KAZN: variants seen among roughly 807,000 people sequenced by gnomAD.
KAZN encodes kazrin.
KAZN carries 40 observed loss-of-function variants against 87.4 expected under a neutral mutation model. That is an observed-to-expected ratio of 0.46 (90% CI 0.36 to 0.60). KAZN has a LOEUF of 0.60. KAZN is among the 20% of genes least tolerant of loss of function. The pLI is 0.00. For missense variants in KAZN, 898 were observed against 1,073.9 expected, an observed-to-expected ratio of 0.84 and a Z score of 2.29; for synonymous variants, 466 against 458.3, an observed-to-expected ratio of 1.02 and a Z score of -0.22.
At position 14,812,215 on chromosome 1, in the gene KAZN, G is replaced by A. The variant is rs540805175; in HGVS notation, c.227-148469G>A. ...GGCCAGCCCTCTGTGACTACCTTGA[G>A]CAAATTTGATGACACCCTGCCTCCA... On this transcript the variant is annotated intron_variant, in intron 1 of 14. Transcript: ENST00000376030. 3.4e-4 allele frequency among the ~76,000 whole-genome samples: 52 copies of A among 152,166 alleles called. 1 individual carries two copies. Among genetic ancestry groups the A allele is most frequent in the Non-Finnish European group, 4.9e-4 (33 of 68,034 alleles).
chr1:14,782,554 C>CAAAAAAAAAAAAAAAAA (rs71572122), intron 1 of KAZN, among the ~76,000 whole-genome samples: 52 of 66,258 alleles, frequency 7.8e-4, no homozygotes, highest in African/African-American at 9.9e-4. Flanking sequence ...CCTCAAAGAG[C>CAAAAAAAAAAAAAAAAA]AAAAAAAAAA....
intron 2 of KAZN, among the ~76,000 whole-genome samples, chr1:14,216,631 C>T (rs536664268): frequency 1.2e-4 from 18 of 152,232 alleles, no homozygotes; most frequent in African/African-American, 3.6e-4. Flanking sequence ...AGATGCTGAG[C>T]GTGTTGGCTC....
chr1:13,948,718 C>T (rs1641237514), intron 1 of KAZN, among the ~76,000 whole-genome samples: 1 of 152,004 alleles, frequency 6.6e-6, no homozygotes, highest in Non-Finnish European at 1.5e-5. Context: ...CAATCTTTTT[C>T]CTGTTGCAAT....
At chr1:15,088,709 G>T (rs1023159097) in intron 8 of KAZN, among the ~76,000 whole-genome samples, 6 of 151,874 alleles carry the variant, frequency 4.0e-5, no homozygotes, top group Admixed American at 2.6e-4. Context: ...TGACCCCAAG[G>T]CCCCCCTAGA....
chr1:14,896,148 G>A (rs61773597), intron 1 of KAZN, among the ~76,000 whole-genome samples: 15,106 of 149,802 alleles, frequency 0.1, 856 homozygotes, highest in Middle Eastern at 0.15. Flanking sequence ...TCTGCTTCCC[G>A]GGTTCAAGCG....
intron 10 of KAZN, 83 bp downstream of exon 10, chr1:15,095,016 C>A: frequency 1.1e-6 from 1 of 938,472 alleles, no homozygotes; most frequent in Non-Finnish European, 1.6e-6. Context: ...GTGAGCGGGG[C>A]ACTGTGGGCT....
At chr1:15,091,291 A>C (rs766449621) in intron 8 of KAZN, among the ~76,000 whole-genome samples, 1 of 152,014 alleles carries the variant, frequency 6.6e-6, no homozygotes, top group African/African-American at 2.4e-5. Context: ...TTACATCTAC[A>C]TATAATTTTT....
intron 1 of KAZN, among the ~76,000 whole-genome samples, chr1:14,896,727 C>G (rs1037717914): frequency 9.2e-5 from 14 of 152,160 alleles, no homozygotes. Flanking sequence ...AGTGAGAATG[C>G]TCCACTCCCT....
intron 4 of KAZN, among the ~76,000 whole-genome samples, chr1:15,054,269 G>A (rs1165176784): frequency 2.0e-5 from 3 of 151,998 alleles, no homozygotes; most frequent in East Asian, 1.9e-4. Flanking sequence ...TAGCTACCCC[G>A]GAAACGTCCA....
At chr1:14,883,888 T>A (rs192459957) in intron 1 of KAZN, among the ~76,000 whole-genome samples, 52 of 152,286 alleles carry the variant, frequency 3.4e-4, no homozygotes, top group Non-Finnish European at 7.1e-4. Flanking sequence ...CTCTATTGTA[T>A]CCTTTAGGTC....
intron 1 of KAZN, among the ~76,000 whole-genome samples, chr1:14,797,716 G>T (rs924413542): frequency 3.3e-5 from 5 of 152,078 alleles, no homozygotes; most frequent in African/African-American, 1.2e-4. Context: ...TCAAATTTTA[G>T]CTCCACCTTG....
chr1:14,900,657 G>A (rs532364149), intron 1 of KAZN, among the ~76,000 whole-genome samples: 15 of 152,036 alleles, frequency 9.9e-5, no homozygotes, highest in Admixed American at 6.6e-4. Flanking sequence ...GGGAGGCTGA[G>A]GCAGGAGAAT....
At chr1:14,226,668 T>G (rs1647320077) in intron 2 of KAZN, among the ~76,000 whole-genome samples, 1 of 152,134 alleles carries the variant, frequency 6.6e-6, no homozygotes, top group Non-Finnish European at 1.5e-5. Flanking sequence ...CCATCAACAG[T>G]GGACTGGATA....
chr1:14,027,963 C>T (rs1212078241), intron 1 of KAZN, among the ~76,000 whole-genome samples: 1 of 152,118 alleles, frequency 6.6e-6, no homozygotes, highest in African/African-American at 2.4e-5. Flanking sequence ...CAACTTTTGC[C>T]TTTCTTTATT....
intron 8 of KAZN, among the ~76,000 whole-genome samples, chr1:15,087,586 G>A (rs1221116945): frequency 1.3e-5 from 2 of 151,920 alleles, no homozygotes; most frequent in East Asian, 3.9e-4. Context: ...GTAGAGACGG[G>A]GTTTCACCAT....
chr1:14,051,218 G>T (rs977926592), intron 1 of KAZN, among the ~76,000 whole-genome samples: 1 of 152,128 alleles, frequency 6.6e-6, no homozygotes, highest in African/African-American at 2.4e-5. Flanking sequence ...TAGACATCAA[G>T]GGTGGAGATA....
chr1:14,695,510 C>CTTTTTTTTTTTTTTTTTTGTTTTTTTT (rs112667110), intron 1 of KAZN, among the ~76,000 whole-genome samples: 1 of 85,048 alleles, frequency 1.2e-5, no homozygotes, highest in African/African-American at 3.6e-5. Flanking sequence ...TACATTCCAT[C>CTTTTTTTTTTTTTTTTTTGTTTTTTTT]TTTTTTTTTT....
At chr1:14,639,288 G>A (rs1680245539) in intron 1 of KAZN, among the ~76,000 whole-genome samples, 2 of 152,158 alleles carry the variant, frequency 1.3e-5, no homozygotes, top group African/African-American at 2.4e-5. Flanking sequence ...AGGGAAATCT[G>A]TCAATATCCC....
intron 1 of KAZN, among the ~76,000 whole-genome samples, chr1:13,934,219 A>G (rs1454345483): frequency 2.0e-5 from 3 of 152,224 alleles, no homozygotes; most frequent in Admixed American, 2.0e-4. Context: ...AAGTTGCGAC[A>G]AAGGGTAAAG....
Sources: allele counts gnomAD v4.1 joint callset (sites outside exome capture counted in the v4.1 genomes callset), GRCh38; gene constraint gnomAD v4.1.1; transcripts MANE v1.5; gene names NCBI Gene and HGNC (gene_info 2026-07-23, HGNC 2026-07-21).